PSD3: variants seen among roughly 807,000 people sequenced by gnomAD.
PSD3 encodes the protein PH and SEC7 domain-containing protein 3.
A neutral mutation model predicts 105.5 loss-of-function variants in PSD3; 49 were observed. The ratio of observed to expected loss-of-function variants is 0.46; its 90% confidence interval spans 0.37 to 0.59. The LOEUF is 0.59. PSD3 is among the 20% of genes least tolerant of loss of function. The probability of loss-of-function intolerance (pLI) is 0.00; values close to 1 mark genes in which losing one functional copy is unlikely to be tolerated. For synonymous variants in PSD3, 557 were observed against 457.8 expected (o/e 1.22, Z -2.77); for missense variants, 1,561 against 1,263.8 (o/e 1.24, Z -3.57).
chr8:18,585,783 C>G (rs560811290), intron 12 of PSD3, among the ~76,000 whole-genome samples: 47 of 152,208 alleles, frequency 3.1e-4, no homozygotes, highest in Admixed American at 1.6e-3. Context: ...TTATATCAAC[C>G]ATGCAACATC....
chr8:18,797,553 A>G (rs534240984), intron 8 of PSD3, among the ~76,000 whole-genome samples: 1 of 152,330 alleles, frequency 6.6e-6, no homozygotes, highest in South Asian at 2.1e-4. Context: ...TCCACAGCTC[A>G]TCTAGACATC....
intron 1 of PSD3, among the ~76,000 whole-genome samples, chr8:19,046,510 C>T (rs1828325231): frequency 1.3e-5 from 2 of 152,190 alleles, no homozygotes; most frequent in Non-Finnish European, 2.9e-5. Flanking sequence ...GTTAAGTTCC[C>T]AGCATCATGC....
intron 1 of PSD3, among the ~76,000 whole-genome samples, chr8:18,955,018 T>C (rs1412270781): frequency 6.6e-6 from 1 of 152,220 alleles, no homozygotes; most frequent in East Asian, 1.9e-4. Context: ...CACAATGTGC[T>C]AGTCAGCTTT....
At chr8:18,796,374 C>T (rs944005004) in intron 8 of PSD3, among the ~76,000 whole-genome samples, 1 of 152,118 alleles carries the variant, frequency 6.6e-6, no homozygotes, top group African/African-American at 2.4e-5. Context: ...CTTCCATGAA[C>T]ATTGTCTCAT....
chr8:18,878,194 T>C (rs1420980586), intron 2 of PSD3, among the ~76,000 whole-genome samples: 1 of 152,186 alleles, frequency 6.6e-6, no homozygotes, highest in Non-Finnish European at 1.5e-5. Flanking sequence ...TCCCCTAAGA[T>C]TCTATTTCTT....
chr8:18,826,445 C>A (rs1186503266), intron 4 of PSD3, among the ~76,000 whole-genome samples: 3 of 152,214 alleles, frequency 2.0e-5, no homozygotes, highest in Non-Finnish European at 2.9e-5. Flanking sequence ...TCTAACTTGC[C>A]TAGTCCAACT....
At chr8:18,546,868 T>C (rs1800481235) in intron 15 of PSD3, among the ~76,000 whole-genome samples, 1 of 152,140 alleles carries the variant, frequency 6.6e-6, no homozygotes, top group Admixed American at 6.5e-5. Context: ...ATTCCACATA[T>C]AAGTTGCACA....
At chr8:18,915,128 C>T (rs891606670) in intron 2 of PSD3, among the ~76,000 whole-genome samples, 2 of 152,086 alleles carry the variant, frequency 1.3e-5, no homozygotes, top group Admixed American at 6.5e-5. Context: ...GCTGGGAAAA[C>T]GGAATATCCA....
chr8:18,542,290 T>C (rs1250520574), intron 15 of PSD3, among the ~76,000 whole-genome samples: 1 of 152,194 alleles, frequency 6.6e-6, no homozygotes, highest in East Asian at 1.9e-4. Context: ...TGGAATCTAC[T>C]TGCCTGATCA....
intron 4 of PSD3, among the ~76,000 whole-genome samples, chr8:18,838,968 T>C (rs1315511901): frequency 1.3e-5 from 2 of 151,884 alleles, no homozygotes; most frequent in Non-Finnish European, 2.9e-5. Flanking sequence ...GAATATCCTA[T>C]AGATGAAAAG....
chr8:18,805,314 T>TTTAAAAACACAAATTTC, intron 4 of PSD3, among the ~76,000 whole-genome samples: 1 of 152,332 alleles, frequency 6.6e-6, no homozygotes, highest in South Asian at 2.1e-4. Context: ...TTCACTGTTT[T>TTTAAAAACACAAATTTC]TTTAAAACAC....
At chr8:18,592,188 T>C (rs1017996346) in intron 12 of PSD3, among the ~76,000 whole-genome samples, 4 of 151,574 alleles carry the variant, frequency 2.6e-5, no homozygotes, top group East Asian at 1.9e-4. Context: ...AAAGAGAAAA[T>C]ATTTAAGGGA....
intron 10 of PSD3, among the ~76,000 whole-genome samples, chr8:18,642,761 C>G (rs1049411592): frequency 6.6e-6 from 1 of 152,006 alleles, no homozygotes; most frequent in Non-Finnish European, 1.5e-5. Context: ...ACAATAAAAC[C>G]CTTAAAATTT....
intron 15 of PSD3, among the ~76,000 whole-genome samples, chr8:18,555,653 T>G (rs146293297): frequency 6.6e-6 from 1 of 152,216 alleles, no homozygotes. Flanking sequence ...TTCCATGCCA[T>G]AGCATATGGA....
At position 18,563,274 on chromosome 8, in the gene PSD3, T is replaced by C. The variant is rs190778627; in HGVS notation, c.2785-6922A>G. Among the ~76,000 whole-genome samples, 26 of 152,286 alleles carry C rather than the reference T, an allele frequency of 1.7e-4. No homozygotes were observed. The East Asian group carries it at 4.4e-3, about 26-fold the overall frequency. ...AAGGCAATTGTCTCACCTGTTTTTA[T>C]AATGCCCACAAAACCTAACATAGTA... is the stretch of plus-strand genomic sequence containing the variant. On this transcript the variant is annotated intron_variant, in intron 14 of 15. Coordinates refer to ENST00000327040, the MANE Select transcript of PSD3 (RefSeq NM_015310.4).
chr8:18,593,793 C>T (rs139520131), intron 12 of PSD3, among the ~76,000 whole-genome samples: 4,753 of 151,508 alleles, frequency 0.031, 169 homozygotes, highest in East Asian at 0.11. Flanking sequence ...ACTATGCAGC[C>T]CTAAAAAAGG....
At chr8:18,991,963 C>T (rs926536573) in intron 1 of PSD3, among the ~76,000 whole-genome samples, 20 of 152,170 alleles carry the variant, frequency 1.3e-4, no homozygotes, top group Non-Finnish European at 1.0e-4. Context: ...CCTCATTGTA[C>T]TAATGAAGAA....
At chr8:19,051,461 T>A (rs1828526722) in intron 1 of PSD3, among the ~76,000 whole-genome samples, 1 of 152,244 alleles carries the variant, frequency 6.6e-6, no homozygotes. Context: ...GGTGTCTCCA[T>A]CACCCCACAT....
At chr8:18,735,994 C>A (rs1234870926) in intron 9 of PSD3, among the ~76,000 whole-genome samples, 1 of 152,132 alleles carries the variant, frequency 6.6e-6, no homozygotes, top group African/African-American at 2.4e-5. Context: ...ATATATCTAA[C>A]TACAAAAAAC....
Sources: allele counts gnomAD v4.1 joint callset (sites outside exome capture counted in the v4.1 genomes callset), GRCh38; gene constraint gnomAD v4.1.1; transcripts MANE v1.5; gene names NCBI Gene and HGNC (gene_info 2026-07-23, HGNC 2026-07-21).